Variants in AUTS2 observed in about 807,000 individuals in gnomAD.
AUTS2 encodes the protein autism susceptibility gene 2 protein.
In AUTS2, 17 loss-of-function variants were observed where a neutral mutation model predicts 112.4. That is an observed-to-expected ratio of 0.15 (90% CI 0.10 to 0.23). The LOEUF (loss-of-function observed/expected upper bound fraction) is 0.23, where lower values mean the gene tolerates loss of function less well. Ranked by LOEUF, AUTS2 falls within the 10% of genes least tolerant of loss-of-function variation. The pLI is 1.00. For missense variants in AUTS2, 1,510 were observed against 1,701.6 expected (o/e 0.89, Z 1.98); for synonymous variants, 751 against 702.7 (o/e 1.07, Z -1.09).
At chr7:70,545,876 G>C (rs1800754644) in intron 5 of AUTS2, among the ~76,000 whole-genome samples, 1 of 152,164 alleles carries the variant, frequency 6.6e-6, no homozygotes, top group Non-Finnish European at 1.5e-5. Context: ...GGAGTGGGTA[G>C]ACATGGAGAT....
At chr7:70,775,299 A>AT (rs1252406552) in intron 12 of AUTS2, 58 bp from the exon 13 acceptor site, 1 of 1,487,294 alleles carries the variant, frequency 6.7e-7, no homozygotes, top group Non-Finnish European at 9.3e-7. Flanking sequence ...AAATTTGTTA[A>AT]TTAGAGCAAT....
intron 2 of AUTS2, among the ~76,000 whole-genome samples, chr7:69,933,102 G>C (rs1562977437): frequency 6.6e-6 from 1 of 152,076 alleles, no homozygotes; most frequent in Non-Finnish European, 1.5e-5. Context: ...AGTTATTTTT[G>C]TTTTTGTGTT....
chr7:70,352,476 C>T (rs905759927), intron 4 of AUTS2, among the ~76,000 whole-genome samples: 1 of 151,842 alleles, frequency 6.6e-6, no homozygotes, highest in African/African-American at 2.4e-5. Flanking sequence ...TGAAAGGGAG[C>T]GTCAGGAGGG....
chr7:70,489,091 A>G (rs1417123249), intron 5 of AUTS2, among the ~76,000 whole-genome samples: 1 of 152,222 alleles, frequency 6.6e-6, no homozygotes, highest in Non-Finnish European at 1.5e-5. Flanking sequence ...GAATTTGAGG[A>G]AACCAACAAA....
In AUTS2 at chr7:70,023,733, G is replaced by A. The variant is rs190718383; in HGVS notation, c.523-94399G>A. On this transcript the variant is annotated intron_variant, in intron 2 of 18. Transcript: ENST00000342771. ...AAGTGAAATAATAAATATAGCAAAGGAGTCTCTCCTCTGCTATGGAGTAGC... is the reference window on the plus strand; with the variant it reads ...AAGTGAAATAATAAATATAGCAAAGAAGTCTCTCCTCTGCTATGGAGTAGC... Among the ~76,000 whole-genome samples the A allele has an allele frequency of 5.9e-5, 9 of 152,192 alleles. No individual in the cohort carries two copies. The East Asian group carries it at 9.7e-4, about 16-fold the overall frequency.
intron 1 of AUTS2, among the ~76,000 whole-genome samples, chr7:69,671,790 CTATTT>C (rs527590074): frequency 2.2e-4 from 33 of 152,032 alleles, no homozygotes; most frequent in South Asian, 1.9e-3. Context: ...TATTTTTGTC[CTATTT>C]TATTTTATTT....
intron 1 of AUTS2, among the ~76,000 whole-genome samples, chr7:69,728,206 AGTTC>A (rs1786610361): frequency 6.6e-6 from 1 of 152,220 alleles, no homozygotes; most frequent in Non-Finnish European, 1.5e-5. Flanking sequence ...AAGGTAGTAG[AGTTC>A]CCTCTCCCTG....
intron 1 of AUTS2, among the ~76,000 whole-genome samples, chr7:69,694,711 G>A (rs1797481948): frequency 6.6e-6 from 1 of 152,212 alleles, no homozygotes; most frequent in Admixed American, 6.5e-5. Context: ...TTAGTGGACA[G>A]GAGTTATCTA....
At chr7:69,807,208 A>C (rs1790347662) in intron 1 of AUTS2, among the ~76,000 whole-genome samples, 1 of 152,198 alleles carries the variant, frequency 6.6e-6, no homozygotes. Context: ...TATCATGCCA[A>C]ATTGGAAACA....
chr7:70,362,027 C>T (rs989721924), intron 4 of AUTS2, among the ~76,000 whole-genome samples: 18 of 152,080 alleles, frequency 1.2e-4, no homozygotes, highest in Non-Finnish European at 2.5e-4. Flanking sequence ...ATTATGTAAA[C>T]CCAACAGGGC....
chr7:70,326,381 C>T (rs10254839), intron 4 of AUTS2, among the ~76,000 whole-genome samples: 44,477 of 152,098 alleles, frequency 0.29, 6,825 homozygotes, highest in African/African-American at 0.38. Context: ...TTTCCTTACT[C>T]CATGCGTTTA....
At position 70,001,919 on chromosome 7, in the gene AUTS2, C is replaced by A. The variant is rs1276161513; in HGVS notation, c.522+102421C>A. Among the ~76,000 whole-genome samples the A allele has an allele frequency of 3.3e-5, 5 of 152,094 alleles. No individual in the cohort carries two copies. In the South Asian group the frequency reaches 8.3e-4, roughly 25 times the overall value. On this transcript the variant is annotated intron_variant, in intron 2 of 18. Transcript: ENST00000342771. ...ACAGATGAGGTTTCACCGTATTGGT[C>A]AGGCTGGTCTCAAACTCCTGACCTC...
intron 6 of AUTS2, 138 bp downstream of exon 6, chr7:70,698,758 G>C (rs938898270): frequency 4.5e-6 from 3 of 673,370 alleles, no homozygotes; most frequent in Admixed American, 6.3e-5. Context: ...GTTTTTGCTT[G>C]AGATGGAAGT....
intron 5 of AUTS2, among the ~76,000 whole-genome samples, chr7:70,518,870 A>G (rs572006552): frequency 1.3e-4 from 20 of 151,820 alleles, no homozygotes; most frequent in South Asian, 2.1e-4. Flanking sequence ...CACCCAGCTA[A>G]TTTTTGCATT....
At chr7:70,698,395 G>T (rs1342521279) in intron 5 of AUTS2, among the ~76,000 whole-genome samples, 174 bp from the exon 6 acceptor site, 1 of 152,120 alleles carries the variant, frequency 6.6e-6, no homozygotes, top group African/African-American at 2.4e-5. Flanking sequence ...CTGCACTGCA[G>T]GTCTCTCTCA....
chr7:70,484,497 A>G (rs189730806), intron 5 of AUTS2, among the ~76,000 whole-genome samples: 1 of 152,192 alleles, frequency 6.6e-6, no homozygotes, highest in Non-Finnish European at 1.5e-5. Context: ...ACGGGAACTC[A>G]GGGTCTCAGC....
chr7:70,412,851 C>T (rs928223752), intron 4 of AUTS2, among the ~76,000 whole-genome samples: 2 of 152,172 alleles, frequency 1.3e-5, no homozygotes, highest in African/African-American at 4.8e-5. Context: ...ATTAGCTGGC[C>T]ATGCTGGCGT....
chr7:70,312,285 A>AT (rs1042259311), intron 4 of AUTS2, among the ~76,000 whole-genome samples: 22 of 151,844 alleles, frequency 1.4e-4, no homozygotes, highest in African/African-American at 5.3e-4. Context: ...CATTTAGCTT[A>AT]TTTTTTTCTT....
rs761817786 is a variant in AUTS2, at chr7:70,768,039, A to G, written c.1705A>G (p.Thr569Ala). The stretch of plus-strand genomic sequence containing the variant: ...CCCTTTACAGTTTGACAAATACCCT[A>G]CAAAAGTTGACCCATTCTACCGGCA... Reference protein sequence around the residue: ...PAPPMFDKYPTKVDPFYRHSL... With the variant: ...PAPPMFDKYPAKVDPFYRHSL... The change falls in exon 10 of 19, where the codon ACA becomes GCA. Residue 569 changes from threonine to alanine, a missense_variant. Around this residue, in one of 3 missense-constraint regions of AUTS2, gnomAD observed 187 missense variants for 309.7 expected, o/e 0.60. Transcript: ENST00000342771. The G allele has an allele frequency of 1.2e-6, 2 of 1,608,946 alleles. No individual in the cohort carries two copies.
Sources: gnomAD v4.1 joint callset for allele counts (sites outside exome capture counted in the v4.1 genomes callset) on GRCh38, gnomAD v4.1.1 for gene constraint, gnomAD v4.1.1 regional missense constraint, MANE v1.5 for transcripts, NCBI Gene and HGNC (gene_info 2026-07-23, HGNC 2026-07-21) for gene names.